Variants in COL19A1 observed in about 807,000 individuals in gnomAD.
COL19A1 encodes collagen alpha-1(XIX) chain.
In COL19A1, 159 loss-of-function variants were observed where a neutral mutation model predicts 190.2. The observed-to-expected ratio is 0.84, with a 90% confidence interval of 0.73 to 0.95. The LOEUF is 0.95. COL19A1 is among the 40% of genes least tolerant of loss of function. The pLI is 0.00. For missense variants in COL19A1, 1,418 were observed against 1,431.9 expected (o/e 0.99, Z 0.16); for synonymous variants, 509 against 458.9 (o/e 1.11, Z -1.39).
intron 11 of COL19A1, among the ~76,000 whole-genome samples, chr6:70,023,133 A>ATTTTTT (rs11383774): frequency 9.1e-6 from 1 of 110,100 alleles, no homozygotes; most frequent in Non-Finnish European, 2.0e-5. Context: ...TTATGCAGCT[A>ATTTTTT]TTTTTTTTTT....
intron 9 of COL19A1, among the ~76,000 whole-genome samples, chr6:69,950,418 G>A (rs1212557280): frequency 6.6e-6 from 1 of 151,710 alleles, no homozygotes; most frequent in Admixed American, 6.6e-5. Flanking sequence ...AAGCCTTACT[G>A]TTAAACATTG....
At chr6:70,020,893 A>G (rs1582699684) in intron 11 of COL19A1, among the ~76,000 whole-genome samples, 1 of 152,126 alleles carries the variant, frequency 6.6e-6, no homozygotes, top group Non-Finnish European at 1.5e-5. Context: ...TTCATTGAAT[A>G]CCATTTTTCT....
chr6:70,080,731 A>C (rs1487111713), intron 15 of COL19A1, among the ~76,000 whole-genome samples: 1 of 152,140 alleles, frequency 6.6e-6, no homozygotes, highest in Non-Finnish European at 1.5e-5. Flanking sequence ...TTTTTCTCAA[A>C]TGGTATAAAA....
intron 11 of COL19A1, among the ~76,000 whole-genome samples, chr6:69,964,696 AAT>A (rs1386435888): frequency 1.3e-5 from 2 of 152,182 alleles, no homozygotes; most frequent in Non-Finnish European, 2.9e-5. Flanking sequence ...ACAAGGTAGA[AAT>A]ATGTTTGTAG....
intron 48 of COL19A1, 69 bp from the exon 49 acceptor site, chr6:70,199,539 T>C: frequency 8.8e-7 from 1 of 1,141,406 alleles, no homozygotes; most frequent in Non-Finnish European, 1.1e-6. Flanking sequence ...TGATTTCATG[T>C]ATTTTGAAAT....
intron 18 of COL19A1, among the ~76,000 whole-genome samples, chr6:70,134,851 G>C (rs1235500975): frequency 1.3e-5 from 2 of 152,156 alleles, no homozygotes; most frequent in Admixed American, 6.5e-5. Context: ...CCAGCTGATT[G>C]TCTTCTAATT....
At chr6:69,983,627 A>G (rs1776166148) in intron 11 of COL19A1, among the ~76,000 whole-genome samples, 1 of 152,118 alleles carries the variant, frequency 6.6e-6, no homozygotes, top group Admixed American at 6.6e-5. Flanking sequence ...TAGAATATGA[A>G]TATTGAGAAT....
chr6:69,939,940 A>G lies in COL19A1; in HGVS notation c.936+1840A>G, dbSNP rs147359812. Among the ~76,000 whole-genome samples the G allele has an allele frequency of 7.9e-3, 1,204 of 152,162 alleles. 5 individuals are homozygous for G. Among genetic ancestry groups the G allele is most frequent in the Non-Finnish European group, 0.013 (851 of 67,978 alleles). ...TGTGGCTTAATTTTTGGTGACTGTG[A>G]TTTATACACGTTCACATACACATTT... is the stretch of plus-strand genomic sequence containing the variant. On this transcript the variant is annotated intron_variant, in intron 9 of 50. Coordinates refer to ENST00000620364, the MANE Select transcript of COL19A1 (RefSeq NM_001858.6).
chr6:70,061,559 C>T (rs1780830683), intron 14 of COL19A1, among the ~76,000 whole-genome samples: 1 of 152,026 alleles, frequency 6.6e-6, no homozygotes, highest in South Asian at 2.1e-4. Context: ...TTGTTAAATA[C>T]ATTCCAAATC....
At chr6:70,155,916 TA>T (rs1787401364) in intron 31 of COL19A1, among the ~76,000 whole-genome samples, 1 of 152,150 alleles carries the variant, frequency 6.6e-6, no homozygotes, top group South Asian at 2.1e-4. Context: ...ATCAATATCA[TA>T]AACAGATATC....
intron 40 of COL19A1, among the ~76,000 whole-genome samples, chr6:70,170,348 G>C (rs1237409614): frequency 6.6e-6 from 1 of 152,080 alleles, no homozygotes; most frequent in African/African-American, 2.4e-5. Context: ...GCAAAAACTT[G>C]AGAAGTCTTT....
intron 15 of COL19A1, among the ~76,000 whole-genome samples, chr6:70,085,725 A>G (rs1490973037): frequency 7.0e-6 from 1 of 142,202 alleles, no homozygotes; most frequent in Non-Finnish European, 1.5e-5. Flanking sequence ...GTCACCATAT[A>G]TCTAACCTCT....
At chr6:70,033,466 G>C (rs1174450392) in intron 12 of COL19A1, among the ~76,000 whole-genome samples, 2 of 151,694 alleles carry the variant, frequency 1.3e-5, no homozygotes. Context: ...TATTTACCAC[G>C]TAGTCAGGAT....
intron 16 of COL19A1, among the ~76,000 whole-genome samples, chr6:70,106,797 T>A (rs540157650): frequency 6.6e-6 from 1 of 152,160 alleles, no homozygotes; most frequent in Non-Finnish European, 1.5e-5. Flanking sequence ...ATATTCTTCA[T>A]TGGAGGGAAA....
intron 11 of COL19A1, among the ~76,000 whole-genome samples, chr6:69,964,583 G>A (rs544030528): frequency 1.3e-5 from 2 of 152,208 alleles, no homozygotes; most frequent in South Asian, 4.2e-4. Flanking sequence ...GATTCTCACA[G>A]GTTATAAGGC....
intron 2 of COL19A1, among the ~76,000 whole-genome samples, chr6:69,886,563 A>G (rs528082156): frequency 6.6e-6 from 1 of 152,306 alleles, no homozygotes; most frequent in East Asian, 1.9e-4. Context: ...CACAATAGCT[A>G]AGACATGGAA....
At chr6:70,073,273 C>A (rs1474298530) in intron 15 of COL19A1, among the ~76,000 whole-genome samples, 1 of 152,166 alleles carries the variant, frequency 6.6e-6, no homozygotes, top group East Asian at 1.9e-4. Flanking sequence ...CAGGCCTGAG[C>A]CACAGCGCCT....
At chr6:69,941,051 T>C (rs1416548342) in intron 9 of COL19A1, among the ~76,000 whole-genome samples, 1 of 152,190 alleles carries the variant, frequency 6.6e-6, no homozygotes, top group Non-Finnish European at 1.5e-5. Context: ...CTCTAAGGCA[T>C]ATTCAGTAGT....
intron 40 of COL19A1, 29 bp downstream of exon 40, chr6:70,168,710 T>C (rs1280265704): frequency 1.6e-5 from 25 of 1,611,194 alleles, no homozygotes; most frequent in Non-Finnish European, 2.1e-5. Context: ...TTTGTGTCAT[T>C]TAGAATATTG....
Sources: allele counts gnomAD v4.1 joint callset (sites outside exome capture counted in the v4.1 genomes callset), GRCh38; gene constraint gnomAD v4.1.1; transcripts MANE v1.5; gene names NCBI Gene and HGNC (gene_info 2026-07-23, HGNC 2026-07-21).